Variants in GLB1 observed in about 807,000 individuals in gnomAD.
The protein encoded by GLB1 is beta-galactosidase.
Under a neutral mutation model 74.0 loss-of-function variants are expected in GLB1, and 56 were observed. The ratio of observed to expected loss-of-function variants is 0.76; its 90% CI spans 0.61 to 0.94. The LOEUF (loss-of-function observed/expected upper bound fraction) is 0.94, where lower values mean the gene tolerates loss of function less well. GLB1 is among the 40% of genes least tolerant of loss of function. The pLI is 0.00. For synonymous variants in GLB1, 323 were observed against 323.6 expected (o/e 1.00, Z 0.02); for missense variants, 787 against 845.5 (o/e 0.93, Z 0.86).
intron 1 of GLB1, chr3:33,096,381 C>T: frequency 1.0e-6 from 1 of 982,208 alleles, no homozygotes; most frequent in Non-Finnish European, 1.2e-6. Flanking sequence ...GATGGCATCC[C>T]CCGGCAGCCT....
At chr3:33,016,639 A>G in intron 14 of GLB1, 70 bp downstream of exon 14, 2 of 1,603,944 alleles carry the variant, frequency 1.2e-6, no homozygotes, top group Non-Finnish European at 1.7e-6. Context: ...GGTGTGAGCC[A>G]CTGTACTGGG....
At chr3:33,033,731 A>G (rs377013044) in intron 10 of GLB1, 1 of 263,190 alleles carries the variant, frequency 3.8e-6, no homozygotes, top group South Asian at 3.9e-5. Context: ...CAGTGAGCCA[A>G]TATCGTGCCA....
chr3:33,058,061 T>C, intron 6 of GLB1, 28 bp downstream of exon 6: 4 of 1,612,556 alleles, frequency 2.5e-6, no homozygotes, highest in Non-Finnish European at 3.4e-6. Flanking sequence ...GATTTTAAGC[T>C]GCAATTTCTG....
At chr3:33,051,465 G>A (rs1040700394) in intron 9 of GLB1, among the ~76,000 whole-genome samples, 1 of 151,180 alleles carries the variant, frequency 6.6e-6, no homozygotes, top group African/African-American at 2.4e-5. Flanking sequence ...AGGCATGGTG[G>A]TGCATGCCTG....
intron 10 of GLB1, among the ~76,000 whole-genome samples, chr3:33,032,276 C>T (rs979492888): frequency 1.3e-5 from 2 of 152,158 alleles, no homozygotes; most frequent in South Asian, 2.1e-4. Context: ...CCAGAATCTG[C>T]GCCAACCTTT....
chr3:33,038,060 G>C (rs567044444), intron 10 of GLB1: 6 of 147,978 alleles, frequency 4.1e-5, no homozygotes, highest in Non-Finnish European at 7.4e-5. Context: ...TCAGATTGGT[G>C]AGAGAGGTAA....
chr3:32,983,989 G>A, the GLB1 span, among the ~76,000 whole-genome samples: 5 of 152,132 alleles, frequency 3.3e-5, no homozygotes, highest in Admixed American at 6.6e-5. Context: ...CTAGCCTGAC[G>A]TTGAATATTA....
intron 1 of GLB1, chr3:33,091,969 A>G (rs574045039): frequency 4.1e-6 from 4 of 984,104 alleles, no homozygotes; most frequent in Admixed American, 1.2e-4. Context: ...AATCTCCTAC[A>G]TATCTTGTCA....
rs376693553 is a variant in GLB1, at chr3:33,093,182, T to C, written c.75+3829A>G. 58 of 1,613,970 alleles carry C rather than the reference T, an allele frequency of 3.6e-5. No homozygotes were observed. Among genetic ancestry groups the C allele is most frequent in the Non-Finnish European group, 4.8e-5 (57 of 1,180,000 alleles). On this transcript the variant is annotated intron_variant, in intron 1 of 15. Transcript: ENST00000307363. This position sits in a 1 kb window ranked among gnomAD's most constrained non-coding sequence, Gnocchi z 6.0. ...GGCCAGAGTAGTGCAGGATGTCTGC[T>C]TCAATATCGTCCACCCCAGCCAAGC...
intron 11 of GLB1, among the ~76,000 whole-genome samples, chr3:33,021,926 A>G (rs991676537): frequency 6.6e-6 from 1 of 152,182 alleles, no homozygotes; most frequent in African/African-American, 2.4e-5. Context: ...GAGACCTATA[A>G]AAGATTCTTA....
intron 2 of GLB1, among the ~76,000 whole-genome samples, chr3:33,070,356 T>G (rs899832562): frequency 6.6e-6 from 1 of 152,146 alleles, no homozygotes; most frequent in African/African-American, 2.4e-5. Context: ...CTAAACTGTC[T>G]ATAGAGAAAG....
chr3:33,045,485 C>T (rs1010567837), intron 10 of GLB1: 2 of 988,336 alleles, frequency 2.0e-6, no homozygotes, highest in Non-Finnish European at 2.4e-6. Flanking sequence ...TATTGGGCCA[C>T]ACATAAAAAG....
At chr3:33,087,577 GCGCA>G (rs1328525750) in intron 1 of GLB1, among the ~76,000 whole-genome samples, 35 of 39,834 alleles carry the variant, frequency 8.8e-4, no homozygotes, top group African/African-American at 3.0e-3. Flanking sequence ...CTCAGCATGC[GCGCA>G]CACACACACA....
downstream of GLB1, among the ~76,000 whole-genome samples, chr3:32,993,920 C>T (rs1017085379): frequency 6.6e-6 from 1 of 152,096 alleles, no homozygotes; most frequent in Non-Finnish European, 1.5e-5. Flanking sequence ...CCACCCACCT[C>T]GGCCTCCCAA....
At chr3:32,967,628 T>G in the GLB1 span, among the ~76,000 whole-genome samples, 1 of 151,366 alleles carries the variant, frequency 6.6e-6, no homozygotes, top group Admixed American at 6.6e-5. Flanking sequence ...CCTAAATAAT[T>G]AATAAATATC....
Position 33,013,962 on chromosome 3 carries a change from G to C in GLB1, c.1734+94C>G, listed in dbSNP as rs112043764. The C allele has an allele frequency of 3.1e-6, 5 of 1,599,564 alleles. No individual in the cohort carries two copies. In the African/African-American group the frequency reaches 5.4e-5, roughly 17 times the overall value. ...AACGCCACACTCAAAACCATCACAC[G>C]ATATCTCACTAACAGCTCTTTGTGA... On this transcript the variant is annotated intron_variant, in intron 15 of 15. Coordinates refer to ENST00000307363, the MANE Select transcript of GLB1 (RefSeq NM_000404.4).
chr3:33,028,855 C>T (rs1393529666), intron 10 of GLB1, among the ~76,000 whole-genome samples: 1 of 151,888 alleles, frequency 6.6e-6, no homozygotes, highest in Admixed American at 6.6e-5. Flanking sequence ...TTAGTAGAAA[C>T]GGGTTTTCTC....
At chr3:33,095,363 A>C (rs1320649190) in intron 1 of GLB1, among the ~76,000 whole-genome samples, 1 of 150,978 alleles carries the variant, frequency 6.6e-6, no homozygotes, top group African/African-American at 2.4e-5. Flanking sequence ...TAAAAATACA[A>C]AAAAAGAAAA....
At chr3:33,018,073 C>G (rs1341715497) in intron 13 of GLB1, among the ~76,000 whole-genome samples, 1 of 151,908 alleles carries the variant, frequency 6.6e-6, no homozygotes, top group Non-Finnish European at 1.5e-5. Context: ...CACTTGAGCT[C>G]CGGAGTTCAA....
Sources: allele counts gnomAD v4.1 joint callset (sites outside exome capture counted in the v4.1 genomes callset), GRCh38; gene constraint gnomAD v4.1.1; non-coding constraint Gnocchi (gnomAD v3.1); transcripts MANE v1.5; gene names NCBI Gene and HGNC (gene_info 2026-07-23, HGNC 2026-07-21).